The following PHACTR1 variants were observed in gnomAD, a reference collection of about 807,000 sequenced individuals.
PHACTR1 encodes RPEL repeat containing 1.
Under a neutral mutation model 69.2 loss-of-function variants are expected in PHACTR1, and 16 were observed. The observed-to-expected ratio is 0.23, with a 90% CI of 0.16 to 0.35. The LOEUF (loss-of-function observed/expected upper bound fraction) is 0.35, where lower values mean the gene tolerates loss of function less well. PHACTR1 is among the 10% of genes least tolerant of loss of function. The pLI is 1.00. For synonymous variants in PHACTR1, 312 were observed against 284.5 expected (o/e 1.10, Z -0.97); for missense variants, 510 against 734.7 (o/e 0.69, Z 3.54).
At chr6:13,174,716 T>TTCTCTC (rs34927928) in intron 6 of PHACTR1, among the ~76,000 whole-genome samples, 1 of 150,154 alleles carries the variant, frequency 6.7e-6, no homozygotes, top group African/African-American at 2.4e-5. Flanking sequence ...ATCACATACA[T>TTCTCTC]TCTCTCTCTC....
At position 12,934,103 on chromosome 6, in the gene PHACTR1, G is replaced by A. The variant is rs931620911; in HGVS notation, c.251-119262G>A. On this transcript the variant is annotated intron_variant, in intron 4 of 14. Transcript: ENST00000332995. ...GCAGGCTCTAGGGAAGAACCTTCTTGTGTCTTCCAGCTTCTGGCAGCAGTT... is the reference window on the plus strand; with the variant it reads ...GCAGGCTCTAGGGAAGAACCTTCTTATGTCTTCCAGCTTCTGGCAGCAGTT... 9.5e-6 allele frequency: 9 copies of A among 945,382 alleles called. No homozygotes were observed. The Admixed American group carries it at 2.2e-4, about 23-fold the overall frequency. 58.6% of individuals were successfully genotyped at this position (945,382 alleles called of 1,614,324 possible).
intron 7 of PHACTR1, among the ~76,000 whole-genome samples, chr6:13,195,779 A>AAAAAAATAG (rs201554952): frequency 1.7e-5 from 2 of 118,556 alleles, no homozygotes; most frequent in African/African-American, 6.5e-5. Context: ...AAAAAAAAAA[A>AAAAAAATAG]AGTTCATTTG....
chr6:13,240,617 T>A (rs1772695084), intron 10 of PHACTR1, among the ~76,000 whole-genome samples: 1 of 151,974 alleles, frequency 6.6e-6, no homozygotes, highest in Admixed American at 6.6e-5. Context: ...TGGCTAATTT[T>A]TGTATTTTTA....
At chr6:13,091,359 G>A (rs1583315893) in intron 5 of PHACTR1, among the ~76,000 whole-genome samples, 1 of 152,034 alleles carries the variant, frequency 6.6e-6, no homozygotes, top group Admixed American at 6.5e-5. Flanking sequence ...TGACTATATT[G>A]GACCAAACTT....
chr6:13,104,623 T>C (rs527239233), intron 5 of PHACTR1, among the ~76,000 whole-genome samples: 5 of 152,348 alleles, frequency 3.3e-5, no homozygotes, highest in African/African-American at 9.6e-5. Context: ...AAACTCTTAA[T>C]TGATACAGCC....
At chr6:13,196,182 C>A (rs1253710872) in intron 7 of PHACTR1, among the ~76,000 whole-genome samples, 1 of 151,942 alleles carries the variant, frequency 6.6e-6, no homozygotes. Flanking sequence ...TAGTGTGTAT[C>A]CTCCAACAAT....
At chr6:13,280,981 CAACT>C (rs1780051433) in intron 12 of PHACTR1, 12 of 1,289,386 alleles carry the variant, frequency 9.3e-6, no homozygotes, top group African/African-American at 1.5e-5. Flanking sequence ...GTCCGTGCAC[CAACT>C]GTGACTCTGA....
intron 6 of PHACTR1, among the ~76,000 whole-genome samples, chr6:13,171,226 T>C (rs998184092): frequency 7.1e-6 from 1 of 141,256 alleles, no homozygotes. Flanking sequence ...GGCTCAGGAC[T>C]CCTCCAAGGG....
chr6:13,144,799 T>C (rs561687043), intron 5 of PHACTR1, among the ~76,000 whole-genome samples: 90 of 145,630 alleles, frequency 6.2e-4, no homozygotes, highest in African/African-American at 2.1e-3. Flanking sequence ...AAAGTATGTG[T>C]GGAAATTCAA....
intron 4 of PHACTR1, among the ~76,000 whole-genome samples, chr6:12,990,836 G>A (rs1366476870): frequency 6.6e-6 from 1 of 152,102 alleles, no homozygotes; most frequent in Non-Finnish European, 1.5e-5. Flanking sequence ...GGTGTAGGAT[G>A]AAGGTGATCT....
At chr6:12,892,586 A>G (rs1784268975) in intron 4 of PHACTR1, among the ~76,000 whole-genome samples, 1 of 152,204 alleles carries the variant, frequency 6.6e-6, no homozygotes, top group Admixed American at 6.5e-5. Context: ...GTTTTCTTTG[A>G]CTATAACTTG....
chr6:12,879,449 T>C (rs1391730960), intron 4 of PHACTR1, among the ~76,000 whole-genome samples: 1 of 152,126 alleles, frequency 6.6e-6, no homozygotes. Context: ...TTTTCTGCAT[T>C]TACACTCACC....
At chr6:13,279,031 CTT>C (rs5874408) in intron 12 of PHACTR1, among the ~76,000 whole-genome samples, 96 of 139,164 alleles carry the variant, frequency 6.9e-4, no homozygotes, top group African/African-American at 1.3e-3. Flanking sequence ...AAAGTATAGA[CTT>C]TTTTTTTTTT....
chr6:13,160,283 A>G lies in PHACTR1; in HGVS notation c.495A>G (p.Lys165=), dbSNP rs780043359. Residue 165 remains lysine (K), a splice_region_variant and synonymous_variant, in exon 6 of 15, where the codon AAA becomes AAG. Transcript: ENST00000332995. ...GAGTCCTGAAGGAAATCTATGATAAAGGTAAGGAGGATTGGTCTGTCATCC... is the reference window on the plus strand; with the variant it reads ...GAGTCCTGAAGGAAATCTATGATAAGGGTAAGGAGGATTGGTCTGTCATCC... ...KRGVLKEIYD[K]DGELSISNEE... 3.7e-6 allele frequency: 6 copies of G among 1,612,756 alleles called. No homozygotes were observed. Among genetic ancestry groups the G allele is most frequent in the South Asian group, 1.1e-5 (1 of 91,050 alleles).
chr6:13,278,300 A>C lies in PHACTR1; in HGVS notation c.1480A>C (p.Arg494=). The C allele has an allele frequency of 6.2e-7, 1 of 1,600,302 alleles. No homozygotes were observed. The highest frequency in any genetic ancestry group is 2.3e-5 in the East Asian group (1 of 44,440). ...TGAACAAGAGGAACAGGAGGAGAAG[A>C]GAGAGATCAAGAGGAGGCTAACCCG... is the stretch of plus-strand genomic sequence containing the variant. ...RNEQEEQEEK[R]EIKRRLTRKL... Residue 494 remains arginine, a synonymous_variant, in exon 12 of 15, where the codon AGA becomes CGA. Transcript: ENST00000332995.
intron 4 of PHACTR1, among the ~76,000 whole-genome samples, chr6:12,868,735 A>G (rs576736651): frequency 6.6e-6 from 1 of 152,302 alleles, no homozygotes; most frequent in South Asian, 2.1e-4. Context: ...GATCATAGAA[A>G]GAGTGTAGCA....
intron 5 of PHACTR1, among the ~76,000 whole-genome samples, chr6:13,127,305 G>A (rs936395432): frequency 6.6e-6 from 1 of 152,158 alleles, no homozygotes; most frequent in African/African-American, 2.4e-5. Flanking sequence ...GGTAGCTCAC[G>A]CCTGTAATCC....
At chr6:13,154,076 A>G (rs1757832815) in intron 5 of PHACTR1, among the ~76,000 whole-genome samples, 2 of 152,224 alleles carry the variant, frequency 1.3e-5, no homozygotes, top group South Asian at 4.1e-4. Flanking sequence ...TGCAGCCATC[A>G]CTGCAATCCA....
rs967493590 is a variant in PHACTR1, at chr6:13,179,661, G to A, written c.497-2858G>A. 4.6e-5 allele frequency among the ~76,000 whole-genome samples: 7 copies of A among 151,336 alleles called. No individual in the cohort carries two copies. The highest frequency in any genetic ancestry group is 1.7e-4 in the African/African-American group (7 of 41,100). Reference sequence around the variant, plus strand: ...TGGATGGATGGGTGGTTGATAGGTAGGAAGATAGGTAGGTAGGTAGGTAGA... The same window carrying A: ...TGGATGGATGGGTGGTTGATAGGTAAGAAGATAGGTAGGTAGGTAGGTAGA... On this transcript the variant is annotated intron_variant, in intron 6 of 14. Coordinates refer to ENST00000332995, the MANE Select transcript of PHACTR1 (RefSeq NM_030948.6). The surrounding 1 kb of genome is among the most constrained non-coding windows in gnomAD (Gnocchi z 4.2).
Sources: gnomAD v4.1 joint callset for allele counts (sites outside exome capture counted in the v4.1 genomes callset) on GRCh38, gnomAD v4.1.1 for gene constraint, Gnocchi (gnomAD v3.1) non-coding constraint, MANE v1.5 for transcripts, NCBI Gene and HGNC (gene_info 2026-07-23, HGNC 2026-07-21) for gene names.